ZNF713: variants seen among roughly 807,000 people sequenced by gnomAD.
ZNF713 encodes the protein zinc finger protein 713.
In ZNF713, 21 loss-of-function variants were observed where a neutral mutation model predicts 28.7. The ratio of observed to expected loss-of-function variants is 0.73; its 90% CI spans 0.52 to 1.05. ZNF713 has a LOEUF of 1.05. Among genes scored for constraint, ZNF713 ranks in the 50% least tolerant of loss-of-function variants. The pLI is 0.00. For missense variants in ZNF713, 458 were observed against 532.4 expected, an observed-to-expected ratio of 0.86 and a Z score of 1.37; for synonymous variants, 167 against 178.0, an observed-to-expected ratio of 0.94 and a Z score of 0.49.
At chr7:55,914,832 A>T (rs547477676) in intron 4 of ZNF713, among the ~76,000 whole-genome samples, 22 of 151,872 alleles carry the variant, frequency 1.4e-4, no homozygotes, top group Non-Finnish European at 2.8e-4. Context: ...GTTTCAAGGG[A>T]TAGATTCATT....
At chr7:55,900,995 T>C (rs1048757854) in intron 1 of ZNF713, among the ~76,000 whole-genome samples, 15 of 152,144 alleles carry the variant, frequency 9.9e-5, no homozygotes, top group Non-Finnish European at 4.4e-5. Context: ...TATTTCAAAA[T>C]TACTAAAAGA....
intron 1 of ZNF713, among the ~76,000 whole-genome samples, chr7:55,888,222 C>G (rs543631549): frequency 2.0e-5 from 3 of 152,116 alleles, no homozygotes; most frequent in East Asian, 1.9e-4. Context: ...TCCTTTTTAT[C>G]TGTATTTCAT....
chr7:55,921,920 T>TTTTGTTTG (rs961369512), intron 4 of ZNF713, among the ~76,000 whole-genome samples: 3 of 152,118 alleles, frequency 2.0e-5, no homozygotes, highest in African/African-American at 7.2e-5. Context: ...TATTGCTGTC[T>TTTTGTTTG]TTTGTTTGTT....
intron 6 of ZNF713, among the ~76,000 whole-genome samples, chr7:55,937,257 C>A (rs1025052824): frequency 6.6e-6 from 1 of 152,010 alleles, no homozygotes; most frequent in African/African-American, 2.4e-5. Context: ...GCCAAGAGCA[C>A]GCCACTGCAC....
At chr7:55,895,835 T>G (rs1005900206) in intron 1 of ZNF713, among the ~76,000 whole-genome samples, 2 of 152,060 alleles carry the variant, frequency 1.3e-5, no homozygotes, top group Admixed American at 6.6e-5. Context: ...AACCCACAGG[T>G]AGATACTATT....
intron 6 of ZNF713, among the ~76,000 whole-genome samples, chr7:55,938,134 G>A (rs1291095398): frequency 6.6e-6 from 1 of 151,984 alleles, no homozygotes; most frequent in African/African-American, 2.4e-5. Context: ...AACCCGGGAG[G>A]TGGAGGTTGC....
chr7:55,923,693 C>CA lies in ZNF713; in HGVS notation c.302dup (p.His101GlnfsTer21). ...AGAAAGAGACAGCCTGCTGGATACT[C>CA]ATCCAGGTAAGTGCACACTCTTGGG... On this transcript the variant is annotated frameshift_variant, in exon 6 of 7. Coordinates refer to ENST00000429591, the MANE Select transcript of ZNF713 (RefSeq NM_182633.3). LOFTEE classifies it high-confidence loss of function. The CA allele has an allele frequency of 6.2e-7, 1 of 1,611,020 alleles. No homozygotes were observed. Among genetic ancestry groups the CA allele is most frequent in the African/African-American group, 1.3e-5 (1 of 75,004 alleles).
intron 4 of ZNF713, among the ~76,000 whole-genome samples, chr7:55,914,564 A>G (rs1785846937): frequency 6.6e-6 from 1 of 152,222 alleles, no homozygotes; most frequent in Non-Finnish European, 1.5e-5. Flanking sequence ...TGCTGCTGTG[A>G]ATGCAAAAGA....
chr7:55,902,917 G>A (rs1006956364), intron 1 of ZNF713, among the ~76,000 whole-genome samples: 3 of 149,510 alleles, frequency 2.0e-5, no homozygotes, highest in Non-Finnish European at 3.0e-5. Flanking sequence ...CTCTTGAACC[G>A]GGGAGATAAA....
intron 4 of ZNF713, chr7:55,918,039 T>C: frequency 2.2e-6 from 1 of 456,594 alleles, no homozygotes; most frequent in East Asian, 6.9e-5. Flanking sequence ...CATCCCATTA[T>C]AGATGTGGAG....
At chr7:55,913,358 C>T (rs563755513) in intron 4 of ZNF713, among the ~76,000 whole-genome samples, 5 of 152,028 alleles carry the variant, frequency 3.3e-5, no homozygotes, top group Admixed American at 2.0e-4. Context: ...CCCACCACCA[C>T]GCCCGGCCAA....
chr7:55,914,941 G>A (rs1209898884), intron 4 of ZNF713, among the ~76,000 whole-genome samples: 1 of 152,052 alleles, frequency 6.6e-6, no homozygotes, highest in South Asian at 2.1e-4. Context: ...TACAACCTCC[G>A]CCTCCCGGGT....
chr7:55,888,675 C>T (rs921079261), intron 1 of ZNF713, among the ~76,000 whole-genome samples: 22 of 152,246 alleles, frequency 1.4e-4, no homozygotes, highest in African/African-American at 5.1e-4. Flanking sequence ...CCACGGCGTT[C>T]GGCCAGCTGT....
chr7:55,922,743 C>A (rs1284891260), intron 4 of ZNF713, among the ~76,000 whole-genome samples: 1 of 152,034 alleles, frequency 6.6e-6, no homozygotes, highest in African/African-American at 2.4e-5. Context: ...AGATGTAATG[C>A]CATTACACAC....
At chr7:55,928,554 G>T (rs1786146146) in intron 6 of ZNF713, among the ~76,000 whole-genome samples, 2 of 152,168 alleles carry the variant, frequency 1.3e-5, no homozygotes, top group Non-Finnish European at 2.9e-5. Flanking sequence ...AGCAGGCAAG[G>T]TCCAGAATAT....
At chr7:55,893,939 T>C (rs1344017634) in intron 1 of ZNF713, among the ~76,000 whole-genome samples, 2 of 152,146 alleles carry the variant, frequency 1.3e-5, no homozygotes, top group African/African-American at 4.8e-5. Context: ...CTAAGCCTAC[T>C]CTAAGGGGAG....
chr7:55,930,267 G>A (rs1169302179), intron 6 of ZNF713, among the ~76,000 whole-genome samples: 2 of 152,194 alleles, frequency 1.3e-5, no homozygotes, highest in African/African-American at 4.8e-5. Context: ...ATATTTTCTT[G>A]CCTACCATAT....
rs10480961 is a variant in ZNF713, at chr7:55,903,846, C to G, written c.-582-2407C>G. Among the ~76,000 whole-genome samples the G allele has an allele frequency of 9.6e-3, 1,464 of 152,030 alleles. 25 individuals are homozygous for G. The highest frequency in any genetic ancestry group is 0.033 in the African/African-American group (1,379 of 41,452). ...CAGCAGGTCCGTGTGAATGAAGCCT[C>G]GAGCAAACAGGAGAGTAACTGCAGA... On this transcript the variant is annotated intron_variant, in intron 1 of 6. Coordinates refer to ENST00000429591, the MANE Select transcript of ZNF713 (RefSeq NM_182633.3).
intron 1 of ZNF713, among the ~76,000 whole-genome samples, chr7:55,902,723 T>G (rs1785599950): frequency 1.3e-5 from 2 of 152,024 alleles, no homozygotes; most frequent in Admixed American, 1.3e-4. Context: ...CTATTACAGA[T>G]TGGAGGAAAC....
Sources: allele counts gnomAD v4.1 joint callset (sites outside exome capture counted in the v4.1 genomes callset), GRCh38; gene constraint gnomAD v4.1.1; transcripts MANE v1.5; gene names NCBI Gene and HGNC (gene_info 2026-07-23, HGNC 2026-07-21).